PCDH15: variants seen among roughly 807,000 people sequenced by gnomAD.
PCDH15 encodes protocadherin-15.
In PCDH15, 129 loss-of-function variants were observed where a neutral mutation model predicts 178.5. That is an observed-to-expected ratio of 0.72 (90% CI 0.63 to 0.84). PCDH15 has a LOEUF of 0.84. Among genes scored for constraint, PCDH15 ranks in the 40% least tolerant of loss-of-function variants. The pLI is 0.00. For missense variants in PCDH15, 2,230 were observed against 2,099.9 expected (o/e 1.06, Z -1.21); for synonymous variants, 800 against 732.0 (o/e 1.09, Z -1.50).
chr10:55,558,885 T>G (rs2132096249), intron 2 of PCDH15, among the ~76,000 whole-genome samples: 1 of 152,202 alleles, frequency 6.6e-6, no homozygotes, highest in East Asian at 1.9e-4. Flanking sequence ...TTAATTGAAG[T>G]GTAATACATG....
intron 2 of PCDH15, among the ~76,000 whole-genome samples, chr10:55,128,123 T>C (rs974122290): frequency 6.6e-6 from 1 of 152,066 alleles, no homozygotes; most frequent in Non-Finnish European, 1.5e-5. Context: ...GATCTAACGC[T>C]GTCATACCTT....
intron 8 of PCDH15, among the ~76,000 whole-genome samples, chr10:54,269,470 T>G (rs1358973710): frequency 6.6e-6 from 1 of 151,954 alleles, no homozygotes; most frequent in Non-Finnish European, 1.5e-5. Flanking sequence ...TTCATCATAG[T>G]GTTTATTAAA....
intron 2 of PCDH15, among the ~76,000 whole-genome samples, chr10:55,548,664 A>G (rs1490853289): frequency 1.3e-5 from 2 of 152,178 alleles, no homozygotes; most frequent in African/African-American, 4.8e-5. Context: ...TTCAAAAAGC[A>G]TACACTTTAG....
chr10:53,807,435 T>C (rs1173088363), intron 37 of PCDH15, among the ~76,000 whole-genome samples: 2 of 152,180 alleles, frequency 1.3e-5, no homozygotes, highest in Non-Finnish European at 2.9e-5. Context: ...TGTATTACTT[T>C]TATTTAAGGA....
chr10:54,811,751 G>T (rs993930808), intron 3 of PCDH15, among the ~76,000 whole-genome samples: 2 of 152,150 alleles, frequency 1.3e-5, no homozygotes, highest in Non-Finnish European at 2.9e-5. Context: ...TTACAGGCGT[G>T]AGCCACCGCA....
chr10:54,618,784 AC>A (rs1204935367), intron 2 of PCDH15, among the ~76,000 whole-genome samples: 1 of 152,088 alleles, frequency 6.6e-6, no homozygotes, highest in African/African-American at 2.4e-5. Context: ...ATGTGCCTTA[AC>A]AAACTAATAA....
At chr10:54,109,252 T>C (rs1419799592) in intron 15 of PCDH15, among the ~76,000 whole-genome samples, 1 of 152,164 alleles carries the variant, frequency 6.6e-6, no homozygotes, top group Non-Finnish European at 1.5e-5. Context: ...CACAGAAGGA[T>C]GAAAATCAAA....
chr10:54,781,090 C>A (rs958551687), intron 1 of PCDH15, among the ~76,000 whole-genome samples: 2 of 152,154 alleles, frequency 1.3e-5, no homozygotes, highest in African/African-American at 2.4e-5. Context: ...ACAGTTCACA[C>A]CATAAAACAT....
intron 2 of PCDH15, among the ~76,000 whole-genome samples, chr10:54,590,625 G>T (rs950983658): frequency 6.6e-6 from 1 of 152,130 alleles, no homozygotes; most frequent in African/African-American, 2.4e-5. Flanking sequence ...AACACTAGAT[G>T]CTGTGTAACT....
intron 3 of PCDH15, among the ~76,000 whole-genome samples, chr10:54,878,457 C>T (rs1564595975): frequency 6.6e-6 from 1 of 152,126 alleles, no homozygotes; most frequent in Non-Finnish European, 1.5e-5. Context: ...CAGCCTAGAA[C>T]TGTCCTCCAT....
chr10:55,069,253 T>A (rs1476324344), intron 2 of PCDH15, among the ~76,000 whole-genome samples: 1 of 98,972 alleles, frequency 1.0e-5, no homozygotes. Flanking sequence ...ATTTTGTTTT[T>A]TTTTTTTTTT....
At chr10:54,054,748 G>T (rs908456103) in intron 18 of PCDH15, among the ~76,000 whole-genome samples, 9 of 151,982 alleles carry the variant, frequency 5.9e-5, no homozygotes, top group Admixed American at 5.9e-4. Flanking sequence ...CAGACATTAG[G>T]TAGATTTCTA....
intron 2 of PCDH15, among the ~76,000 whole-genome samples, chr10:54,559,577 C>T (rs2087780619): frequency 1.3e-5 from 2 of 151,980 alleles, no homozygotes; most frequent in Admixed American, 6.6e-5. Flanking sequence ...TCTGAATCCT[C>T]TTACAGGAAT....
chr10:54,077,171 A>C (rs940596955), intron 17 of PCDH15, among the ~76,000 whole-genome samples: 1 of 152,128 alleles, frequency 6.6e-6, no homozygotes, highest in African/African-American at 2.4e-5. Context: ...TCTCATTACA[A>C]ACTTTACAAA....
chr10:54,367,623 A>G (rs1228800718), intron 5 of PCDH15, among the ~76,000 whole-genome samples: 2 of 151,946 alleles, frequency 1.3e-5, no homozygotes, highest in East Asian at 1.9e-4. Context: ...ACCTGGACAC[A>G]GGGAGGAAAA....
chr10:55,521,391 A>C (rs1053820481), intron 2 of PCDH15, among the ~76,000 whole-genome samples: 1 of 152,036 alleles, frequency 6.6e-6, no homozygotes, highest in African/African-American at 2.4e-5. Flanking sequence ...GCAGCACAGC[A>C]AACGGTCTTC....
chr10:54,153,233 C>T lies in PCDH15; in HGVS notation c.1651G>A (p.Gly551Arg), dbSNP rs764162624. The change falls in exon 14 of 38, where the codon GGG becomes AGG. Residue 551 changes from glycine (G) to arginine (R), a missense_variant. Transcript: ENST00000644397. The stretch of plus-strand genomic sequence containing the variant: ...TTGATGATGAAGTCTCCCTGAGCCC[C>T]AACAAGGATTTCATATGTGATCTCC... ...NGEITYEILV[G>R]AQGDFIINKT... 3 of 1,613,848 alleles carry T rather than the reference C, an allele frequency of 1.9e-6. No individual in the cohort carries two copies. In the Admixed American group the frequency reaches 5.0e-5, roughly 27 times the overall value.
chr10:54,547,088 A>G (rs2085943961), intron 2 of PCDH15, among the ~76,000 whole-genome samples: 1 of 152,134 alleles, frequency 6.6e-6, no homozygotes, highest in South Asian at 2.1e-4. Flanking sequence ...GCTATATTAT[A>G]AAACTTCAAG....
At chr10:55,138,764 G>A (rs1319424138) in intron 2 of PCDH15, among the ~76,000 whole-genome samples, 2 of 152,012 alleles carry the variant, frequency 1.3e-5, no homozygotes, top group Admixed American at 6.6e-5. Context: ...AAATTGTACT[G>A]TGTCCTCCCT....
Sources: allele counts gnomAD v4.1 joint callset (sites outside exome capture counted in the v4.1 genomes callset), GRCh38; gene constraint gnomAD v4.1.1; transcripts MANE v1.5; gene names NCBI Gene and HGNC (gene_info 2026-07-23, HGNC 2026-07-21).